DPP10: variants seen among roughly 807,000 people sequenced by gnomAD.
The protein encoded by DPP10 is inactive dipeptidyl peptidase 10.
A neutral mutation model predicts 120.9 loss-of-function variants in DPP10; 33 were observed. The ratio of observed to expected loss-of-function variants is 0.27; its 90% CI spans 0.21 to 0.37. The LOEUF (loss-of-function observed/expected upper bound fraction) is 0.37, where lower values mean the gene tolerates loss of function less well. Ranked by LOEUF, DPP10 falls within the 10% of genes least tolerant of loss-of-function variation. DPP10 has a pLI of 1.00. For missense variants in DPP10, 816 were observed against 942.8 expected, an observed-to-expected ratio of 0.87 and a Z score of 1.76; for synonymous variants, 337 against 326.1, an observed-to-expected ratio of 1.03 and a Z score of -0.36.
intron 1 of DPP10, among the ~76,000 whole-genome samples, chr2:114,905,377 T>A (rs1313656945): frequency 6.6e-6 from 1 of 152,190 alleles, no homozygotes; most frequent in African/African-American, 2.4e-5. Context: ...CCATTTATGG[T>A]GAGACATCTT....
At chr2:114,491,899 T>A (rs1244806470) in intron 1 of DPP10, among the ~76,000 whole-genome samples, 1 of 152,198 alleles carries the variant, frequency 6.6e-6, no homozygotes, top group African/African-American at 2.4e-5. Flanking sequence ...TTAGTGCTTT[T>A]TCCTGGGGGC....
chr2:115,404,997 C>A (rs2068402662), intron 3 of DPP10, among the ~76,000 whole-genome samples: 1 of 152,080 alleles, frequency 6.6e-6, no homozygotes, highest in Non-Finnish European at 1.5e-5. Context: ...GCATTCTATC[C>A]CTGGCTCCCC....
At chr2:115,714,223 G>A (rs1211653922) in intron 7 of DPP10, among the ~76,000 whole-genome samples, 4 of 152,172 alleles carry the variant, frequency 2.6e-5, no homozygotes, top group Non-Finnish European at 5.9e-5. Context: ...GGTGTTTGGA[G>A]GTTCAGTTTG....
intron 1 of DPP10, among the ~76,000 whole-genome samples, chr2:114,522,645 CTGAT>C (rs1451058587): frequency 7.9e-5 from 12 of 152,132 alleles, no homozygotes; most frequent in African/African-American, 2.4e-4. Flanking sequence ...AATGATGCCT[CTGAT>C]TGGTCTTTTT....
chr2:115,148,937 T>A (rs760989736), intron 1 of DPP10, among the ~76,000 whole-genome samples: 2 of 152,170 alleles, frequency 1.3e-5, no homozygotes, highest in Non-Finnish European at 2.9e-5. Context: ...TATAATGTCA[T>A]CAATTTTCAA....
chr2:114,771,146 C>T (rs974670216), intron 1 of DPP10, among the ~76,000 whole-genome samples: 4 of 152,124 alleles, frequency 2.6e-5, no homozygotes, highest in Admixed American at 2.0e-4. Flanking sequence ...GAAAATTGAA[C>T]TCTTGAACTT....
intron 1 of DPP10, among the ~76,000 whole-genome samples, chr2:115,200,929 T>C (rs17355616): frequency 0.069 from 10,469 of 152,182 alleles, 382 homozygotes; most frequent in Middle Eastern, 0.11. Flanking sequence ...AGGAAGCAGA[T>C]ATACTAGTTA....
At chr2:114,992,031 G>A (rs757763863) in intron 1 of DPP10, among the ~76,000 whole-genome samples, 1 of 152,196 alleles carries the variant, frequency 6.6e-6, no homozygotes, top group African/African-American at 2.4e-5. Context: ...ACTAACTCAT[G>A]CCTCATAGAA....
chr2:115,804,722 A>C (rs1039625420), intron 19 of DPP10, among the ~76,000 whole-genome samples: 6 of 152,222 alleles, frequency 3.9e-5, no homozygotes, highest in African/African-American at 1.4e-4. Context: ...CCTGGGTATC[A>C]GCAGTGGTGG....
intron 1 of DPP10, among the ~76,000 whole-genome samples, chr2:114,946,060 T>A (rs1697325213): frequency 6.6e-6 from 1 of 152,152 alleles, no homozygotes; most frequent in South Asian, 2.1e-4. Flanking sequence ...TCTGAAAAAC[T>A]GTCAGCCAAG....
intron 1 of DPP10, among the ~76,000 whole-genome samples, chr2:115,045,000 T>G (rs1037054822): frequency 2.6e-5 from 4 of 152,184 alleles, no homozygotes; most frequent in African/African-American, 9.6e-5. Flanking sequence ...GTACCAGATT[T>G]TCTTTATCCA....
intron 1 of DPP10, among the ~76,000 whole-genome samples, chr2:114,876,372 G>C (rs546178306): frequency 3.9e-5 from 6 of 151,984 alleles, no homozygotes; most frequent in Non-Finnish European, 7.4e-5. Flanking sequence ...TTTGTAGGTG[G>C]ACCTCATTCA....
At chr2:114,819,904 C>T (rs377379220) in intron 1 of DPP10, among the ~76,000 whole-genome samples, 38 of 152,236 alleles carry the variant, frequency 2.5e-4, no homozygotes, top group African/African-American at 4.3e-4. Flanking sequence ...GATTAATGTA[C>T]GGCCATTTTG....
At chr2:115,376,101 G>T (rs2065773565) in intron 3 of DPP10, among the ~76,000 whole-genome samples, 1 of 152,092 alleles carries the variant, frequency 6.6e-6, no homozygotes, top group South Asian at 2.1e-4. Context: ...AAATTGTCTT[G>T]GTGGAGCTAT....
chr2:115,323,387 A>G (rs528068767), intron 2 of DPP10, among the ~76,000 whole-genome samples: 3 of 152,076 alleles, frequency 2.0e-5, no homozygotes, highest in Non-Finnish European at 2.9e-5. Context: ...CCCCTACCAC[A>G]TCTGCAGTTA....
At chr2:115,801,094 A>G (rs1404060291) in intron 19 of DPP10, among the ~76,000 whole-genome samples, 6 of 151,906 alleles carry the variant, frequency 3.9e-5, no homozygotes, top group African/African-American at 9.7e-5. Flanking sequence ...ATTTGTTTGT[A>G]TCCTCTTTTA....
At chr2:114,559,917 GGAAGGAAAGAA>G (rs1353567341) in intron 1 of DPP10, among the ~76,000 whole-genome samples, 1 of 138,092 alleles carries the variant, frequency 7.2e-6, no homozygotes, top group Non-Finnish European at 1.6e-5. Flanking sequence ...AAAAAACAAA[GGAAGGAAAGAA>G]GAAGGAAAGG....
At chr2:114,726,554 T>A (rs1702063043) in intron 1 of DPP10, among the ~76,000 whole-genome samples, 1 of 152,244 alleles carries the variant, frequency 6.6e-6, no homozygotes, top group South Asian at 2.1e-4. Context: ...CATATTCATT[T>A]TTGCACTGAA....
At position 114,767,588 on chromosome 2, in the gene DPP10, GC is replaced by G. The variant is rs1393797950; in HGVS notation, c.60+324752del. Among the ~76,000 whole-genome samples, 16 of 152,174 alleles carry G rather than the reference GC, an allele frequency of 1.1e-4. No homozygotes were observed. The East Asian group carries it at 2.9e-3, about 28-fold the overall frequency. ...AGAGAAAAGAGAGATCACATAAAAA[GC>G]CAAATCATTTAGACCAAGGGTTGCT... On this transcript the variant is annotated intron_variant, in intron 1 of 25. Transcript: ENST00000410059.
Sources: allele counts gnomAD v4.1 joint callset (sites outside exome capture counted in the v4.1 genomes callset), GRCh38; gene constraint gnomAD v4.1.1; transcripts MANE v1.5; gene names NCBI Gene and HGNC (gene_info 2026-07-23, HGNC 2026-07-21).